The following CNBD1 variants were observed in gnomAD, a reference collection of about 807,000 sequenced individuals.
CNBD1 encodes the protein cyclic nucleotide binding domain containing 1.
A neutral mutation model predicts 54.4 loss-of-function variants in CNBD1; 71 were observed. The observed-to-expected ratio is 1.30, with a 90% confidence interval of 1.08 to 1.59. The LOEUF is 1.59. Ranked by LOEUF, CNBD1 falls within the 40% of genes most tolerant of loss-of-function variation. The pLI is 0.00. For synonymous variants in CNBD1, 182 were observed against 170.7 expected, an observed-to-expected ratio of 1.07 and a Z score of -0.51; for missense variants, 659 against 518.0, an observed-to-expected ratio of 1.27 and a Z score of -2.64.
intron 4 of CNBD1, among the ~76,000 whole-genome samples, chr8:87,077,287 C>G (rs1810891294): frequency 6.6e-6 from 1 of 152,074 alleles, no homozygotes; most frequent in Non-Finnish European, 1.5e-5. Flanking sequence ...CTAGGTCGGG[C>G]TGTCAGCAGG....
At chr8:87,010,875 G>A (rs998237816) in intron 4 of CNBD1, among the ~76,000 whole-genome samples, 2 of 152,096 alleles carry the variant, frequency 1.3e-5, no homozygotes, top group African/African-American at 2.4e-5. Context: ...CCTTGTAGGT[G>A]TGTTTCTAGT....
chr8:87,016,068 C>G (rs1002478738), intron 4 of CNBD1, among the ~76,000 whole-genome samples: 1 of 147,480 alleles, frequency 6.8e-6, no homozygotes, highest in Admixed American at 6.8e-5. Context: ...TAATATTTCA[C>G]TTTCAAACTA....
chr8:87,141,130 C>A (rs1437802148), intron 4 of CNBD1, among the ~76,000 whole-genome samples: 1 of 152,064 alleles, frequency 6.6e-6, no homozygotes, highest in East Asian at 1.9e-4. Context: ...TTTGTAGAAT[C>A]AATTTACTTA....
intron 4 of CNBD1, among the ~76,000 whole-genome samples, chr8:87,189,461 G>T (rs1813552593): frequency 1.3e-5 from 2 of 152,022 alleles, no homozygotes; most frequent in East Asian, 3.9e-4. Flanking sequence ...AAGGAAATAT[G>T]CTACTATAGT....
At chr8:87,185,323 T>G (rs1455194746) in intron 4 of CNBD1, among the ~76,000 whole-genome samples, 1 of 152,200 alleles carries the variant, frequency 6.6e-6, no homozygotes, top group Non-Finnish European at 1.5e-5. Context: ...TTTTTTCCGT[T>G]TCTCTCTGCA....
At chr8:87,154,417 C>G (rs1276435340) in intron 4 of CNBD1, among the ~76,000 whole-genome samples, 1 of 152,112 alleles carries the variant, frequency 6.6e-6, no homozygotes, top group Non-Finnish European at 1.5e-5. Flanking sequence ...GGCAGTAGTA[C>G]CGACGTGTCC....
At chr8:87,280,934 C>G (rs902365974) in intron 6 of CNBD1, among the ~76,000 whole-genome samples, 9 of 151,372 alleles carry the variant, frequency 5.9e-5, no homozygotes, top group Non-Finnish European at 1.2e-4. Flanking sequence ...ACTATCCCCA[C>G]CAGAAGAGGA....
At chr8:86,933,201 G>C in intron 3 of CNBD1, among the ~76,000 whole-genome samples, 1 of 152,000 alleles carries the variant, frequency 6.6e-6, no homozygotes, top group East Asian at 1.9e-4. Flanking sequence ...TCCTAGCTTC[G>C]GGAATAACCT....
At chr8:87,292,398 T>C (rs1459357255) in intron 8 of CNBD1, among the ~76,000 whole-genome samples, 1 of 152,234 alleles carries the variant, frequency 6.6e-6, no homozygotes, top group Non-Finnish European at 1.5e-5. Flanking sequence ...AAAAGATTTG[T>C]AGAATCTATC....
rs573281257 is a variant in CNBD1, at chr8:87,277,490, A to G, written c.772-7188A>G. On this transcript the variant is annotated intron_variant, in intron 6 of 10. Transcript: ENST00000518476. ...GACACTCCGTGATCCAGTCAAATTG[A>G]CACATAAAATGAACCATCACAGAAT... 7.9e-5 allele frequency among the ~76,000 whole-genome samples: 12 copies of G among 151,938 alleles called. No individual in the cohort carries two copies. The South Asian group carries it at 2.5e-3, about 31-fold the overall frequency.
intron 4 of CNBD1, among the ~76,000 whole-genome samples, chr8:87,047,192 C>G (rs1249791125): frequency 6.6e-6 from 1 of 152,098 alleles, no homozygotes; most frequent in Non-Finnish European, 1.5e-5. Flanking sequence ...CAGAGGGAGG[C>G]ATCTGCTATC....
At chr8:87,356,378 G>A (rs1810420468) in intron 10 of CNBD1, among the ~76,000 whole-genome samples, 1 of 152,156 alleles carries the variant, frequency 6.6e-6, no homozygotes. Flanking sequence ...GGATAGTGAA[G>A]GCCAGGCTTA....
At chr8:87,328,156 G>A (rs879318269) in intron 8 of CNBD1, among the ~76,000 whole-genome samples, 1 of 151,796 alleles carries the variant, frequency 6.6e-6, no homozygotes, top group Non-Finnish European at 1.5e-5. Context: ...CCCCCAACAG[G>A]CCCTGGTGTG....
At chr8:86,872,931 A>G (rs890647678) in intron 1 of CNBD1, among the ~76,000 whole-genome samples, 2 of 152,072 alleles carry the variant, frequency 1.3e-5, no homozygotes, top group Non-Finnish European at 2.9e-5. Flanking sequence ...ATGTAATCTC[A>G]TTTATCTACA....
intron 4 of CNBD1, among the ~76,000 whole-genome samples, chr8:86,951,061 G>A (rs1017027070): frequency 2.6e-5 from 4 of 151,870 alleles, no homozygotes; most frequent in Non-Finnish European, 5.9e-5. Flanking sequence ...CTTTTCTACT[G>A]TTTGCTTTTT....
chr8:87,241,282 T>G (rs1324335450), intron 6 of CNBD1, among the ~76,000 whole-genome samples: 4 of 144,114 alleles, frequency 2.8e-5, no homozygotes, highest in Non-Finnish European at 6.0e-5. Flanking sequence ...TTTTTTTTTT[T>G]TTTTTTTTTG....
At chr8:87,311,900 C>A (rs1181942266) in intron 8 of CNBD1, among the ~76,000 whole-genome samples, 3 of 152,066 alleles carry the variant, frequency 2.0e-5, no homozygotes, top group Admixed American at 2.0e-4. Flanking sequence ...ACATTGGACA[C>A]TCATGGACAT....
chr8:87,372,795 G>C (rs1322534455), intron 10 of CNBD1, among the ~76,000 whole-genome samples: 1 of 151,662 alleles, frequency 6.6e-6, no homozygotes, highest in East Asian at 1.9e-4. Flanking sequence ...TAGATGTCTA[G>C]AACAAATTTA....
At chr8:87,408,949 G>C (rs932951861) in intron 2 of CNBD1, among the ~76,000 whole-genome samples, 1 of 151,950 alleles carries the variant, frequency 6.6e-6, no homozygotes, top group Non-Finnish European at 1.5e-5. Context: ...TCTCTCCTCA[G>C]ACCTACGTGT....
Sources: gnomAD v4.1 joint callset for allele counts (sites outside exome capture counted in the v4.1 genomes callset) on GRCh38, gnomAD v4.1.1 for gene constraint, MANE v1.5 for transcripts, NCBI Gene and HGNC (gene_info 2026-07-23, HGNC 2026-07-21) for gene names.